Variants in CADM2 observed in about 807,000 individuals in gnomAD.
CADM2 encodes cell adhesion molecule 2.
CADM2 carries 12 observed loss-of-function variants against 49.8 expected under a neutral mutation model. The ratio of observed to expected loss-of-function variants is 0.24; its 90% CI spans 0.15 to 0.39. The LOEUF (loss-of-function observed/expected upper bound fraction) is 0.39. Among genes scored for constraint, CADM2 ranks in the 10% least tolerant of loss-of-function variants. The pLI is 1.00. For synonymous variants in CADM2, 214 were observed against 175.4 expected (o/e 1.22, Z -1.74); for missense variants, 378 against 492.3 (o/e 0.77, Z 2.20).
intron 1 of CADM2, among the ~76,000 whole-genome samples, chr3:85,419,148 A>AT (rs2036047947): frequency 6.6e-6 from 1 of 152,114 alleles, no homozygotes. Context: ...CATTGACCAC[A>AT]TTCTTTGAAT....
chr3:85,351,696 TG>T (rs2031367581), intron 1 of CADM2, among the ~76,000 whole-genome samples: 2 of 152,144 alleles, frequency 1.3e-5, no homozygotes, highest in East Asian at 3.9e-4. Context: ...CCTGAAAATT[TG>T]GGAAAAATTG....
chr3:85,241,355 A>G (rs2042525665), intron 1 of CADM2, among the ~76,000 whole-genome samples: 1 of 151,588 alleles, frequency 6.6e-6, no homozygotes, highest in Non-Finnish European at 1.5e-5. Flanking sequence ...TGGCTTTATA[A>G]GAAGAAATAG....
intron 5 of CADM2, among the ~76,000 whole-genome samples, chr3:85,909,992 T>C (rs1286974700): frequency 6.6e-6 from 1 of 152,180 alleles, no homozygotes; most frequent in Admixed American, 6.5e-5. Context: ...CTATAATCTA[T>C]CACATAAGCC....
chr3:85,982,803 A>G (rs938848875), intron 8 of CADM2, among the ~76,000 whole-genome samples: 2 of 151,664 alleles, frequency 1.3e-5, no homozygotes, highest in Non-Finnish European at 3.0e-5. Flanking sequence ...ATTAAAAAGG[A>G]TTCATAATAA....
chr3:85,881,869 G>T (rs1011339838), intron 3 of CADM2, among the ~76,000 whole-genome samples: 2 of 152,082 alleles, frequency 1.3e-5, no homozygotes, highest in Non-Finnish European at 2.9e-5. Flanking sequence ...AAATCATCCG[G>T]CATTAGTTAG....
At chr3:85,499,284 A>G (rs912347520) in intron 1 of CADM2, among the ~76,000 whole-genome samples, 2 of 152,132 alleles carry the variant, frequency 1.3e-5, no homozygotes, top group African/African-American at 4.8e-5. Context: ...TGAATTTTAC[A>G]TTCTGACAAT....
At chr3:85,963,187 C>T (rs74397461) in intron 8 of CADM2, among the ~76,000 whole-genome samples, 27 of 151,950 alleles carry the variant, frequency 1.8e-4, no homozygotes, top group African/African-American at 6.0e-4. Flanking sequence ...TGGTAAGCAA[C>T]GAAAGGCTCA....
chr3:85,606,699 A>C (rs1014974396), intron 1 of CADM2, among the ~76,000 whole-genome samples: 1 of 152,110 alleles, frequency 6.6e-6, no homozygotes, highest in Non-Finnish European at 1.5e-5. Context: ...ACCTTAATGT[A>C]TGAGTAGGAT....
At chr3:85,322,430 T>C (rs1248067186) in intron 1 of CADM2, among the ~76,000 whole-genome samples, 5 of 150,286 alleles carry the variant, frequency 3.3e-5, no homozygotes, top group East Asian at 2.0e-4. Flanking sequence ...ATTCACAGGC[T>C]GTAATGCTCC....
At chr3:85,187,393 C>T (rs1376934) in intron 1 of CADM2, among the ~76,000 whole-genome samples, 102,645 of 151,896 alleles carry the variant, frequency 0.68, 35,544 homozygotes, top group African/African-American at 0.82. Flanking sequence ...TATATTCTTG[C>T]GAGTCCTCTG....
intron 5 of CADM2, among the ~76,000 whole-genome samples, chr3:85,894,537 CA>C (rs1714952520): frequency 6.6e-6 from 1 of 151,920 alleles, no homozygotes; most frequent in Non-Finnish European, 1.5e-5. Context: ...AAGTGGACTG[CA>C]AAAATGTGCA....
At chr3:85,490,687 T>C (rs2039634298) in intron 1 of CADM2, among the ~76,000 whole-genome samples, 1 of 152,216 alleles carries the variant, frequency 6.6e-6, no homozygotes. Context: ...TGTGTTTAAA[T>C]GACCCACTGT....
intron 1 of CADM2, among the ~76,000 whole-genome samples, chr3:85,294,576 T>G (rs950130478): frequency 6.6e-6 from 1 of 152,072 alleles, no homozygotes; most frequent in East Asian, 1.9e-4. Flanking sequence ...AGCATGGTAC[T>G]GGTACCAAAA....
At chr3:85,609,266 G>C (rs1265624542) in intron 1 of CADM2, among the ~76,000 whole-genome samples, 2 of 152,062 alleles carry the variant, frequency 1.3e-5, no homozygotes, top group African/African-American at 2.4e-5. Context: ...ACATGCACCT[G>C]TCTAGTCCAT....
At chr3:85,529,102 G>T (rs2061237846) in intron 1 of CADM2, among the ~76,000 whole-genome samples, 2 of 152,068 alleles carry the variant, frequency 1.3e-5, no homozygotes, top group East Asian at 1.9e-4. Flanking sequence ...GAATTATGTG[G>T]TCAAGGTCAG....
At chr3:85,878,951 G>A (rs1712333937) in intron 3 of CADM2, among the ~76,000 whole-genome samples, 1 of 151,770 alleles carries the variant, frequency 6.6e-6, no homozygotes, top group Admixed American at 6.6e-5. Flanking sequence ...GCAGGAATTT[G>A]AGATTTTTCC....
At chr3:85,890,522 A>C (rs1290497721) in intron 5 of CADM2, among the ~76,000 whole-genome samples, 5 of 152,094 alleles carry the variant, frequency 3.3e-5, no homozygotes, top group Non-Finnish European at 1.5e-5. Flanking sequence ...TTTTAGGGCT[A>C]GTTTATAGGG....
At chr3:85,194,087 A>C (rs1164658073) in intron 1 of CADM2, among the ~76,000 whole-genome samples, 2 of 152,160 alleles carry the variant, frequency 1.3e-5, no homozygotes, top group African/African-American at 4.8e-5. Context: ...TTTATGAACT[A>C]AAATCTGGAG....
chr3:85,371,446 T>A (rs1324212426), intron 1 of CADM2, among the ~76,000 whole-genome samples: 2 of 151,920 alleles, frequency 1.3e-5, no homozygotes, highest in Non-Finnish European at 2.9e-5. Context: ...ATTCTGTACA[T>A]GTTTGTACCC....
Sources: gnomAD v4.1 joint callset for allele counts (sites outside exome capture counted in the v4.1 genomes callset) on GRCh38, gnomAD v4.1.1 for gene constraint, MANE v1.5 for transcripts, NCBI Gene and HGNC (gene_info 2026-07-23, HGNC 2026-07-21) for gene names.